GRM7: variants seen among roughly 807,000 people sequenced by gnomAD.
GRM7 encodes the protein glutamate metabotropic receptor 7.
GRM7 carries 35 observed loss-of-function variants against 84.5 expected under a neutral mutation model. That is an observed-to-expected ratio of 0.41 (90% CI 0.32 to 0.55). GRM7 has a LOEUF of 0.55. Among genes scored for constraint, GRM7 ranks in the 20% least tolerant of loss-of-function variants. GRM7 has a pLI of 0.19. For synonymous variants in GRM7, 487 were observed against 455.1 expected, an observed-to-expected ratio of 1.07 and a Z score of -0.89; for missense variants, 1,003 against 1,194.6, an observed-to-expected ratio of 0.84 and a Z score of 2.36.
intron 7 of GRM7, among the ~76,000 whole-genome samples, chr3:7,572,877 T>TATATATAA (rs1553618263): frequency 1.5e-5 from 1 of 67,146 alleles, no homozygotes; most frequent in African/African-American, 5.8e-5. Flanking sequence ...TATATATATA[T>TATATATAA]ATAAATAATC....
chr3:7,126,761 C>G (rs76367121), intron 1 of GRM7, among the ~76,000 whole-genome samples: 1 of 152,264 alleles, frequency 6.6e-6, no homozygotes, highest in African/African-American at 2.4e-5. Context: ...TTTCTTTAGT[C>G]TCTTTTCCTT....
chr3:7,048,179 A>G (rs1696868930), intron 1 of GRM7, among the ~76,000 whole-genome samples: 1 of 152,040 alleles, frequency 6.6e-6, no homozygotes, highest in East Asian at 1.9e-4. Context: ...GGAGATAAGC[A>G]AAGTAACAGA....
chr3:6,999,200 G>C (rs747373588), intron 1 of GRM7, among the ~76,000 whole-genome samples: 2 of 152,142 alleles, frequency 1.3e-5, no homozygotes, highest in East Asian at 3.9e-4. Context: ...GGAAAATGCT[G>C]CCAGTTTCTT....
rs567170758 is a variant in GRM7, at chr3:7,303,843, C to T, written c.879-2655C>T. On this transcript the variant is annotated intron_variant, in intron 3 of 9. Coordinates refer to ENST00000357716, the MANE Select transcript of GRM7 (RefSeq NM_000844.4). ...GAAGAGTTTCTTCCTCTCACTCTCT[C>T]TTTGTTTTACCACTTCCTTTTTTCT... Among the ~76,000 whole-genome samples the T allele has an allele frequency of 1.2e-4, 18 of 151,360 alleles. No homozygotes were observed. In the East Asian group the frequency reaches 1.9e-3, roughly 16 times the overall value.
At chr3:7,126,957 A>G (rs1408313241) in intron 1 of GRM7, among the ~76,000 whole-genome samples, 6 of 152,248 alleles carry the variant, frequency 3.9e-5, no homozygotes, top group Non-Finnish European at 8.8e-5. Context: ...TAAAAAGTTG[A>G]GTAAATTTCA....
At chr3:7,424,942 T>C (rs1696542592) in intron 5 of GRM7, among the ~76,000 whole-genome samples, 1 of 152,206 alleles carries the variant, frequency 6.6e-6, no homozygotes, top group African/African-American at 2.4e-5. Flanking sequence ...GAGGTTATTA[T>C]TTCCATTATA....
intron 8 of GRM7, among the ~76,000 whole-genome samples, chr3:7,586,851 A>G (rs1262708068): frequency 6.6e-6 from 1 of 152,222 alleles, no homozygotes; most frequent in Admixed American, 6.5e-5. Context: ...CAGCATGGAT[A>G]AATCTCAAAA....
chr3:7,575,657 T>C (rs1356614948), intron 7 of GRM7, among the ~76,000 whole-genome samples: 1 of 152,228 alleles, frequency 6.6e-6, no homozygotes, highest in African/African-American at 2.4e-5. Context: ...GGACACAGAT[T>C]ATATTTTCAA....
chr3:7,191,901 A>G (rs999366348), intron 2 of GRM7, among the ~76,000 whole-genome samples: 2 of 152,054 alleles, frequency 1.3e-5, no homozygotes, highest in African/African-American at 2.4e-5. Flanking sequence ...TATAAAACCT[A>G]TCTCTGGTGA....
At chr3:7,582,062 C>T (rs1695283074) in intron 8 of GRM7, among the ~76,000 whole-genome samples, 1 of 152,210 alleles carries the variant, frequency 6.6e-6, no homozygotes, top group Non-Finnish European at 1.5e-5. Context: ...ATTTAGGTGG[C>T]GTAATGATGC....
intron 8 of GRM7, among the ~76,000 whole-genome samples, chr3:7,618,111 G>A (rs561377239): frequency 2.0e-5 from 3 of 152,196 alleles, no homozygotes; most frequent in Non-Finnish European, 2.9e-5. Context: ...AAACAAGTGC[G>A]TAATAACTGT....
intron 4 of GRM7, among the ~76,000 whole-genome samples, chr3:7,371,499 G>A (rs745903607): frequency 6.6e-6 from 1 of 152,124 alleles, no homozygotes; most frequent in African/African-American, 2.4e-5. Flanking sequence ...CAAAATGGAG[G>A]TTGGTTAATC....
At chr3:7,443,652 GTCTC>G (rs140130017) in intron 5 of GRM7, among the ~76,000 whole-genome samples, 303 of 152,056 alleles carry the variant, frequency 2.0e-3, no homozygotes, top group African/African-American at 6.6e-3. Flanking sequence ...TCAGGTTTAT[GTCTC>G]TCTCTCTCTT....
chr3:7,213,977 A>T (rs1259385100), intron 2 of GRM7, among the ~76,000 whole-genome samples: 2 of 152,210 alleles, frequency 1.3e-5, no homozygotes, highest in African/African-American at 4.8e-5. Context: ...ACTTCTTGCT[A>T]AGTATCTCAT....
chr3:7,538,823 TG>T (rs202195877), intron 7 of GRM7, among the ~76,000 whole-genome samples: 5,218 of 152,310 alleles, frequency 0.034, 113 homozygotes, highest in Non-Finnish European at 0.045. Context: ...TTTCTGTTTT[TG>T]TTAAAATCAA....
chr3:7,172,912 C>T (rs1695031799), intron 2 of GRM7, among the ~76,000 whole-genome samples: 2 of 152,104 alleles, frequency 1.3e-5, no homozygotes, highest in South Asian at 2.1e-4. Context: ...TACACATATA[C>T]ATATCTATGC....
chr3:7,713,130 T>TTGTTTTG (rs1559501729), intron 9 of GRM7, among the ~76,000 whole-genome samples: 5 of 74,262 alleles, frequency 6.7e-5, no homozygotes, highest in African/African-American at 2.6e-4. Flanking sequence ...TTTTGTTTTT[T>TTGTTTTG]TTTTTTTTTT....
intron 8 of GRM7, among the ~76,000 whole-genome samples, chr3:7,632,735 A>G (rs3804863): frequency 0.74 from 111,890 of 152,116 alleles, 41,864 homozygotes; most frequent in African/African-American, 0.86. Context: ...TCTTACATGT[A>G]AATATCACAT....
intron 1 of GRM7, among the ~76,000 whole-genome samples, chr3:6,976,488 C>A (rs557038971): frequency 2.5e-4 from 38 of 152,236 alleles, no homozygotes; most frequent in African/African-American, 8.9e-4. Flanking sequence ...CTTTATTGTT[C>A]CAGTGTTACC....
Sources: gnomAD v4.1 joint callset for allele counts (sites outside exome capture counted in the v4.1 genomes callset) on GRCh38, gnomAD v4.1.1 for gene constraint, MANE v1.5 for transcripts, NCBI Gene and HGNC (gene_info 2026-07-23, HGNC 2026-07-21) for gene names.